Variants in FER observed in about 807,000 individuals in gnomAD.
FER encodes the protein FER tyrosine kinase.
FER carries 63 observed loss-of-function variants against 111.0 expected under a neutral mutation model. The ratio of observed to expected loss-of-function variants is 0.57; its 90% CI spans 0.46 to 0.70. The LOEUF is 0.70. Among genes scored for constraint, FER ranks in the 30% least tolerant of loss-of-function variants. FER has a pLI of 0.00. For synonymous variants in FER, 327 were observed against 313.9 expected (o/e 1.04, Z -0.44); for missense variants, 914 against 954.0 (o/e 0.96, Z 0.55).
At chr5:109,138,723 T>C (rs2126621164) in intron 17 of FER, among the ~76,000 whole-genome samples, 1 of 152,294 alleles carries the variant, frequency 6.6e-6, no homozygotes, top group Non-Finnish European at 1.5e-5. Flanking sequence ...GATTGAGGGC[T>C]GTGAAGTCAC....
chr5:108,861,309 T>C (rs1208709721), intron 5 of FER, among the ~76,000 whole-genome samples: 1 of 152,218 alleles, frequency 6.6e-6, no homozygotes, highest in Non-Finnish European at 1.5e-5. Context: ...TAATGAGTAG[T>C]CTAGCCTTTC....
Position 109,100,184 on chromosome 5 carries a change from C to T in FER, c.1925-212C>T, listed in dbSNP as rs376659583. Among the ~76,000 whole-genome samples the T allele has an allele frequency of 6.6e-5, 10 of 151,764 alleles. No individual in the cohort carries two copies. In the East Asian group the frequency reaches 9.7e-4, roughly 15 times the overall value. The stretch of plus-strand genomic sequence containing the variant: ...ATATGAAACACTTAAAGTACTTAAA[C>T]GGTATCTAGAAGAGATTATGGTGTC... On this transcript the variant is annotated intron_variant, in intron 16 of 19. Transcript: ENST00000281092.
intron 10 of FER, among the ~76,000 whole-genome samples, chr5:108,898,453 C>T (rs1255634030): frequency 6.6e-6 from 1 of 150,762 alleles, no homozygotes; most frequent in Non-Finnish European, 1.5e-5. Context: ...TTCTTTGCTC[C>T]CCTCTCTCCT....
In FER at chr5:108,927,091, A is replaced by T. The variant is rs150086675; in HGVS notation, c.1237-19039A>T. ...ATTATGTGTGGTAGATCCATTCTTT[A>T]TTGGAATTTCACTTCCCTCTCCTAT... is the stretch of plus-strand genomic sequence containing the variant. On this transcript the variant is annotated intron_variant, in intron 10 of 19. Coordinates refer to ENST00000281092, the MANE Select transcript of FER (RefSeq NM_005246.4). Among the ~76,000 whole-genome samples the T allele has an allele frequency of 7.6e-3, 1,157 of 151,852 alleles. 9 individuals carry two copies. Among genetic ancestry groups the T allele is most frequent in the African/African-American group, 0.027 (1,129 of 41,330 alleles).
chr5:108,784,839 G>A (rs1438184777), intron 2 of FER, among the ~76,000 whole-genome samples: 2 of 152,182 alleles, frequency 1.3e-5, no homozygotes, highest in Non-Finnish European at 2.9e-5. Flanking sequence ...TGCCTTAAGT[G>A]GTTTTCTCGC....
chr5:109,108,923 C>T (rs377359826), intron 17 of FER, among the ~76,000 whole-genome samples: 2,331 of 152,150 alleles, frequency 0.015, 33 homozygotes, highest in Non-Finnish European at 0.021. Flanking sequence ...GTTCTTTGCC[C>T]AATTATTGTT....
At chr5:109,053,691 A>ATTTTTTTT (rs544623578) in intron 16 of FER, among the ~76,000 whole-genome samples, 7 of 119,402 alleles carry the variant, frequency 5.9e-5, no homozygotes, top group Non-Finnish European at 8.5e-5. Context: ...GTGGAGTTCT[A>ATTTTTTTT]TTTTTTTTTT....
At chr5:109,064,544 T>C (rs1774848637) in intron 16 of FER, among the ~76,000 whole-genome samples, 2 of 152,166 alleles carry the variant, frequency 1.3e-5, no homozygotes, top group African/African-American at 4.8e-5. Context: ...AATGAGGAAA[T>C]GTTGGTATGT....
chr5:108,928,490 TAAG>T (rs1754100219), intron 10 of FER, among the ~76,000 whole-genome samples: 1 of 152,150 alleles, frequency 6.6e-6, no homozygotes, highest in African/African-American at 2.4e-5. Context: ...AACTTTTTAA[TAAG>T]AATAAAATAA....
intron 2 of FER, among the ~76,000 whole-genome samples, chr5:108,797,124 A>G (rs1756117041): frequency 1.3e-5 from 2 of 151,992 alleles, no homozygotes; most frequent in Admixed American, 1.3e-4. Context: ...CTTTCAAGGC[A>G]GCGGGGTTTT....
At chr5:108,848,761 G>C (rs2150180478) in intron 5 of FER, among the ~76,000 whole-genome samples, 1 of 151,750 alleles carries the variant, frequency 6.6e-6, no homozygotes, top group Admixed American at 6.6e-5. Flanking sequence ...ATCTTTTCCA[G>C]CATTCTTTAT....
intron 16 of FER, among the ~76,000 whole-genome samples, chr5:109,081,401 A>G (rs1018456305): frequency 2.0e-5 from 3 of 152,024 alleles, no homozygotes; most frequent in African/African-American, 4.8e-5. Context: ...ATTAAGTGTA[A>G]TCGGGAACCT....
chr5:108,769,319 G>A (rs1347996127), intron 2 of FER, among the ~76,000 whole-genome samples: 1 of 152,066 alleles, frequency 6.6e-6, no homozygotes, highest in African/African-American at 2.4e-5. Context: ...GATTGGAAGA[G>A]CATTCTCATT....
chr5:109,104,115 C>CT (rs1748591772), intron 17 of FER, among the ~76,000 whole-genome samples: 2 of 152,180 alleles, frequency 1.3e-5, no homozygotes, highest in Admixed American at 6.5e-5. Context: ...TTCTAATTTT[C>CT]AACTCTATAC....
intron 17 of FER, among the ~76,000 whole-genome samples, chr5:109,121,971 G>T (rs966654522): frequency 6.6e-6 from 1 of 151,050 alleles, no homozygotes; most frequent in South Asian, 2.1e-4. Context: ...TTTTATTTGT[G>T]TCTTCTCTTT....
At chr5:108,755,590 A>G (rs970897267) in intron 1 of FER, among the ~76,000 whole-genome samples, 3 of 151,948 alleles carry the variant, frequency 2.0e-5, no homozygotes, top group East Asian at 3.9e-4. Flanking sequence ...GGTTCAAGCA[A>G]TTCTCCTGCC....
chr5:108,822,979 T>C (rs1759059970), intron 3 of FER, among the ~76,000 whole-genome samples: 1 of 151,990 alleles, frequency 6.6e-6, no homozygotes, highest in Non-Finnish European at 1.5e-5. Flanking sequence ...CAAGTGATTC[T>C]CCTGCCTCAG....
chr5:108,997,542 C>T (rs1226263036), intron 13 of FER, among the ~76,000 whole-genome samples: 1 of 151,986 alleles, frequency 6.6e-6, no homozygotes, highest in Non-Finnish European at 1.5e-5. Flanking sequence ...TTATTTCTGT[C>T]TCTTGCCTGA....
intron 5 of FER, among the ~76,000 whole-genome samples, chr5:108,852,030 A>G (rs1004638878): frequency 2.0e-5 from 3 of 152,216 alleles, no homozygotes; most frequent in Admixed American, 6.5e-5. Flanking sequence ...GAAACAAACT[A>G]TCTTCCTAAT....
Sources: gnomAD v4.1 joint callset for allele counts (sites outside exome capture counted in the v4.1 genomes callset) on GRCh38, gnomAD v4.1.1 for gene constraint, MANE v1.5 for transcripts, NCBI Gene and HGNC (gene_info 2026-07-23, HGNC 2026-07-21) for gene names.